Variants in COX19 observed in about 807,000 individuals in gnomAD.
The protein encoded by COX19 is cytochrome c oxidase assembly factor COX19.
In COX19, 8 loss-of-function variants were observed where a neutral mutation model predicts 6.8. The ratio of observed to expected loss-of-function variants is 1.18; its 90% CI spans 0.69 to 2.12. The LOEUF (loss-of-function observed/expected upper bound fraction) is 2.12. Ranked by LOEUF, COX19 falls within the 30% of genes most tolerant of loss-of-function variation. The pLI, the probability that COX19 is intolerant of heterozygous loss-of-function variation, is 0.00. For synonymous variants in COX19, 51 were observed against 38.0 expected (o/e 1.34, Z -1.26); for missense variants, 131 against 104.6 (o/e 1.25, Z -1.10).
intron 2 of COX19, among the ~76,000 whole-genome samples, chr7:971,815 G>A (rs1419651134): frequency 1.3e-5 from 2 of 152,242 alleles, no homozygotes; most frequent in African/African-American, 4.8e-5. Flanking sequence ...AGCTTGCAGT[G>A]AGCTGAGATC....
chr7:974,250 TAAA>T (rs748066628), intron 1 of COX19, among the ~76,000 whole-genome samples: 70 of 84,252 alleles, frequency 8.3e-4, no homozygotes, highest in East Asian at 3.9e-3. Flanking sequence ...ACCCCATCTC[TAAA>T]AAAAAAAAAA....
rs904150834 is a variant in COX19 at position 975,298 on chromosome 7, G to C, written c.82+130C>G. ...TGACCCAGGGCTGGGTGGGGCGGAG[G>C]GGCGGGCCGCCGTGCCTCAGTTTCC... On this transcript the variant is annotated intron_variant, in intron 1 of 2. Transcript: ENST00000344111. The C allele has an allele frequency of 6.6e-5, 44 of 666,536 alleles. No homozygotes were observed. In the East Asian group the frequency reaches 1.4e-3, roughly 22 times the overall value. 41.3% of individuals were successfully genotyped at this position (666,536 alleles called of 1,614,324 possible). A position where few individuals can be genotyped will look rare whatever the true frequency, so the allele number is the denominator to read the frequency against.
At chr7:970,011 TG>T (rs1413182240) in intron 2 of COX19, among the ~76,000 whole-genome samples, 1 of 149,910 alleles carries the variant, frequency 6.7e-6, no homozygotes, top group East Asian at 2.0e-4. Context: ...TCTCCCATGC[TG>T]GGATGCAGTG....
In COX19 at chr7:973,167, T is replaced by C. The variant is rs200056179; in HGVS notation, c.194+14A>G. 62 of 1,521,784 alleles carry C rather than the reference T, an allele frequency of 4.1e-5. No homozygotes were observed. The East Asian group carries it at 1.5e-3, about 36-fold the overall frequency. 94.3% of individuals were successfully genotyped at this position (1,521,784 alleles called of 1,614,324 possible). ...TAGTGGGAGGTGGAAATCATAACGC[T>C]TAGCTGTACTCACCTCTCCATCCTG... On this transcript the variant is annotated intron_variant, in intron 2 of 2. Coordinates refer to ENST00000344111, the MANE Select transcript of COX19 (RefSeq NM_001031617.3).
At chr7:975,155 GGTGA>G (rs1420159953) in intron 1 of COX19, 2 of 394,676 alleles carry the variant, frequency 5.1e-6, no homozygotes, top group East Asian at 8.0e-5. Flanking sequence ...CAGCCCGCCG[GGTGA>G]GTCAGGGCGG....
rs1583205104 is a variant in COX19 at position 975,484 on chromosome 7, G to T, written c.26C>A (p.Thr9Asn). MSTAMNFGTKSFQPRPPDK... is the reference protein window; with the variant it reads MSTAMNFGNKSFQPRPPDK... ...CGGGGGCCGCGGCTGGAAGCTCTTG[G>T]TCCCGAAATTCATGGCGGTCGACAT... The change falls in exon 1 of 3, where the codon ACC becomes AAC. Residue 9 changes from threonine (T) to asparagine (N), a missense_variant. Coordinates refer to ENST00000344111, the MANE Select transcript of COX19 (RefSeq NM_001031617.3). 3 of 1,603,272 alleles carry T rather than the reference G, an allele frequency of 1.9e-6. No individual in the cohort carries two copies. In the Admixed American group the frequency reaches 5.1e-5, roughly 27 times the overall value.
chr7:973,096 G>C (rs911435235), intron 2 of COX19, 85 bp downstream of exon 2: 3 of 826,180 alleles, frequency 3.6e-6, no homozygotes, highest in Non-Finnish European at 5.2e-6. Flanking sequence ...GCCTGAAAAA[G>C]ACACACTGTA....
rs757775856 is a variant in COX19, at chr7:975,503, T to C, written c.7A>G (p.Thr3Ala). 2 of 1,602,950 alleles carry C rather than the reference T, an allele frequency of 1.2e-6. No individual in the cohort carries two copies. The highest frequency in any genetic ancestry group is 1.4e-5 in the African/African-American group (1 of 73,200). MS[T>A]AMNFGTKSFQ... is the part of the protein sequence containing the mutation. ...CTCTTGGTCCCGAAATTCATGGCGG[T>C]CGACATGTTGGCGACTCCGGAGTCT... The change falls in exon 1 of 3, where the codon ACC becomes GCC. Residue 3 changes from threonine to alanine, a missense_variant. By Grantham distance (58) the Thr-to-Ala change is moderately conservative (BLOSUM62 0). Transcript: ENST00000344111.
In COX19 at chr7:968,728, C is replaced by G. The variant is rs1847593847; in HGVS notation, c.*650G>C. 6.6e-6 allele frequency: 1 copy of G among 152,276 alleles called. No homozygotes were observed. Among genetic ancestry groups the G allele is most frequent in the South Asian group, 2.1e-4 (1 of 4,838 alleles). 9.4% of individuals were successfully genotyped at this position (152,276 alleles called of 1,614,324 possible). The stretch of plus-strand genomic sequence containing the variant: ...GTGCGAGCCTAACTGCAAATGGACT[C>G]AGGTTCTTTTTCTGTTAAAATACAG... On this transcript the variant is annotated 3_prime_UTR_variant, in exon 3 of 3. Transcript: ENST00000344111.
In COX19 at chr7:966,087, G is replaced by C. The variant is rs1847549072; in HGVS notation, c.*3291C>G. 1 of 151,766 alleles carries C rather than the reference G, an allele frequency of 6.6e-6. No individual in the cohort carries two copies. The highest frequency in any genetic ancestry group is 1.5e-5 in the Non-Finnish European group (1 of 68,036). The allele number at this position is 151,766 out of a possible 1,614,324, so 9.4% of individuals were successfully genotyped here. On this transcript the variant is annotated 3_prime_UTR_variant, in exon 3 of 3. Coordinates refer to ENST00000344111, the MANE Select transcript of COX19 (RefSeq NM_001031617.3). ...TTTACGCAATTACTTATGTTGTATA[G>C]ACTACTGGATATCAATTTATTCTGA...
rs923625121 is a variant in COX19 at position 975,512 on chromosome 7, T to C, written c.-3A>G. 1.9e-6 allele frequency: 3 copies of C among 1,602,046 alleles called. No homozygotes were observed. The highest frequency in any genetic ancestry group is 2.3e-5 in the East Asian group (1 of 43,488). On this transcript the variant is annotated 5_prime_UTR_variant, in exon 1 of 3. Transcript: ENST00000344111. ...CCGAAATTCATGGCGGTCGACATGT[T>C]GGCGACTCCGGAGTCTGCGAGCGCC...
intron 2 of COX19, among the ~76,000 whole-genome samples, chr7:972,276 A>AG (rs1425244781): frequency 6.6e-6 from 1 of 152,200 alleles, no homozygotes; most frequent in Non-Finnish European, 1.5e-5. Context: ...ACAGCCCCAA[A>AG]GGCAGAACGT....
intron 2 of COX19, 70 bp from the exon 3 acceptor site, chr7:969,526 G>A (rs535751769): frequency 1.3e-4 from 124 of 987,658 alleles, no homozygotes; most frequent in African/African-American, 3.4e-4. Context: ...TGCAGGCCCC[G>A]GCTTCCCAGC....
rs997041746 is a variant in COX19, at chr7:966,672, G to A, written c.*2706C>T. On this transcript the variant is annotated 3_prime_UTR_variant, in exon 3 of 3. Coordinates refer to ENST00000344111, the MANE Select transcript of COX19 (RefSeq NM_001031617.3). ...ACTGCGTCCAGGCCCTCAAGAGCTG[G>A]GAAGCATTTGTGCACAGCCCCTCAC... 8 of 152,258 alleles carry A rather than the reference G, an allele frequency of 5.3e-5. No homozygotes were observed. Among genetic ancestry groups the A allele is most frequent in the Admixed American group, 2.0e-4 (3 of 15,284 alleles). The allele number at this position is 152,258 out of a possible 1,614,324, so 9.4% of individuals were successfully genotyped here. A position where few individuals can be genotyped will look rare whatever the true frequency, so the allele number is the denominator to read the frequency against.
chr7:965,273 C>G lies in COX19; in HGVS notation c.*4105G>C, dbSNP rs528183911. ...CTCATTTCAAAATAATTTCAGACTT[C>G]CAAAAAGTTCCAAAAATAGGACAGT... is the stretch of plus-strand genomic sequence containing the variant. On this transcript the variant is annotated 3_prime_UTR_variant, in exon 3 of 3. Coordinates refer to ENST00000344111, the MANE Select transcript of COX19 (RefSeq NM_001031617.3). Among the ~76,000 whole-genome samples the G allele has an allele frequency of 5.9e-5, 9 of 152,280 alleles. No homozygotes were observed. The East Asian group carries it at 1.7e-3, about 29-fold the overall frequency.
At chr7:972,094 G>C (rs1374894744) in intron 2 of COX19, among the ~76,000 whole-genome samples, 1 of 152,132 alleles carries the variant, frequency 6.6e-6, no homozygotes, top group Non-Finnish European at 1.5e-5. Context: ...CGTCTCTAAA[G>C]CTTGGCAGCG....
intron 2 of COX19, 49 bp from the exon 3 acceptor site, chr7:969,505 AG>A: frequency 8.1e-7 from 1 of 1,230,182 alleles, no homozygotes. Context: ...AGAGAGGACA[AG>A]AGGGGCCCTT....
intron 2 of COX19, among the ~76,000 whole-genome samples, chr7:972,007 C>G (rs989293779): frequency 6.6e-6 from 1 of 152,196 alleles, no homozygotes; most frequent in Non-Finnish European, 1.5e-5. Flanking sequence ...CAGCTGTCCT[C>G]GGGAGTCTCA....
Position 973,258 on chromosome 7 carries a change from C to G in COX19, c.117G>C (p.Lys39Asn). The G allele has an allele frequency of 6.3e-7, 1 of 1,596,966 alleles. No homozygotes were observed. Among genetic ancestry groups the G allele is most frequent in the South Asian group, 1.1e-5 (1 of 87,064 alleles). Reference protein sequence around the residue: ...ECKSFKEKFMKCLHNNNFENA... With the variant: ...ECKSFKEKFMNCLHNNNFENA... ...TTTCAAAATTATTGTTATGAAGACA[C>G]TTCATGAATTTCTCTTTAAAGCTTT... Residue 39 changes from lysine to asparagine, a missense_variant, in exon 2 of 3, where the codon AAG becomes AAC. Lys to Asn is a moderately conservative substitution (Grantham distance 94, BLOSUM62 0). Transcript: ENST00000344111.
Sources: gnomAD v4.1 joint callset for allele counts (sites outside exome capture counted in the v4.1 genomes callset) on GRCh38, gnomAD v4.1.1 for gene constraint, MANE v1.5 for transcripts, NCBI Gene and HGNC (gene_info 2026-07-23, HGNC 2026-07-21) for gene names.